Variants in SH3RF2 observed in about 807,000 individuals in gnomAD.
SH3RF2 encodes the protein SH3 domain containing ring finger 2.
Under a neutral mutation model 59.0 loss-of-function variants are expected in SH3RF2, and 43 were observed. The ratio of observed to expected loss-of-function variants is 0.73; its 90% confidence interval spans 0.57 to 0.94. The LOEUF (loss-of-function observed/expected upper bound fraction) is 0.94. SH3RF2 is among the 40% of genes least tolerant of loss of function. The probability of loss-of-function intolerance (pLI) is 0.00; values close to 1 mark genes in which losing one functional copy is unlikely to be tolerated. For missense variants in SH3RF2, 930 were observed against 940.1 expected (o/e 0.99, Z 0.14); for synonymous variants, 391 against 391.5 (o/e 1.00, Z 0.01).
chr5:146,077,802 T>A (rs75269885), intron 9 of SH3RF2, among the ~76,000 whole-genome samples: 2,513 of 152,302 alleles, frequency 0.017, 66 homozygotes, highest in African/African-American at 0.054. Flanking sequence ...TCCTTTAATG[T>A]GGAACAGTTC....
exon 10 of SH3RF2, chr5:146,080,616 T>A (rs1763408054): frequency 6.6e-6 from 1 of 152,228 alleles, no homozygotes; most frequent in African/African-American, 2.4e-5. Flanking sequence ...CTTATTTCCT[T>A]AGTATATTCC....
chr5:145,997,263 G>T, intron 2 of SH3RF2: 1 of 966,074 alleles, frequency 1.0e-6, no homozygotes. Flanking sequence ...ACATGCATCT[G>T]TAAATGTACA....
chr5:145,955,700 T>C (rs890823269), intron 2 of SH3RF2, among the ~76,000 whole-genome samples: 6 of 152,144 alleles, frequency 3.9e-5, no homozygotes, highest in Admixed American at 1.3e-4. Context: ...GCATTAAGGA[T>C]TGAGGTACCT....
intron 8 of SH3RF2, among the ~76,000 whole-genome samples, chr5:146,057,976 C>CTATATATATATATATA (rs1491563299): frequency 4.8e-4 from 57 of 118,112 alleles, no homozygotes; most frequent in African/African-American, 1.3e-3. Context: ...CTCTATCTAT[C>CTATATATATATATATA]TATCTATCTA....
intron 2 of SH3RF2, among the ~76,000 whole-genome samples, chr5:145,955,268 CT>C (rs1758349300): frequency 6.6e-6 from 1 of 152,140 alleles, no homozygotes; most frequent in Non-Finnish European, 1.5e-5. Context: ...ATAGATGCAG[CT>C]GGAGGCCATC....
chr5:146,077,752 A>T (rs1040757525), intron 9 of SH3RF2, among the ~76,000 whole-genome samples: 1 of 152,162 alleles, frequency 6.6e-6, no homozygotes, highest in African/African-American at 2.4e-5. Context: ...GACCCCTTTC[A>T]AGACCACATC....
At chr5:145,940,637 T>A (rs1292966732) in intron 2 of SH3RF2, among the ~76,000 whole-genome samples, 1 of 152,218 alleles carries the variant, frequency 6.6e-6, no homozygotes. Flanking sequence ...GTGAAAATTA[T>A]CTTTGCAACA....
At chr5:146,047,129 C>T (rs1302027300) in intron 5 of SH3RF2, among the ~76,000 whole-genome samples, 1 of 139,498 alleles carries the variant, frequency 7.2e-6, no homozygotes, top group Admixed American at 7.3e-5. Context: ...GATTCAAATT[C>T]AACTACTATA....
Position 146,004,144 on chromosome 5 carries a change from G to T in SH3RF2, c.735G>T (p.Leu245Phe). Residue 245 changes from leucine (L) to phenylalanine (F), a missense_variant, in exon 4 of 10, where the codon TTG becomes TTT. By Grantham distance (22) the Leu-to-Phe change is conservative (BLOSUM62 0). Transcript: ENST00000359120. ...ATAAAGTAGGCATCTTCCCTATCTTGTTTGTAGAGGTACGTGAGTATCAAG... is the reference window on the plus strand; with the variant it reads ...ATAAAGTAGGCATCTTCCCTATCTTTTTTGTAGAGGTACGTGAGTATCAAG... ...LGDKVGIFPI[L>F]FVEPNLTARH... 6.2e-7 allele frequency: 1 copy of T among 1,611,492 alleles called. No homozygotes were observed. Among genetic ancestry groups the T allele is most frequent in the Non-Finnish European group, 8.5e-7 (1 of 1,178,130 alleles).
chr5:146,079,291 TAA>T, exon 10 of SH3RF2: 1 of 152,156 alleles, frequency 6.6e-6, no homozygotes, highest in East Asian at 1.9e-4. Context: ...TCCTTGTTTT[TAA>T]AAAAAAGACT....
intron 2 of SH3RF2, among the ~76,000 whole-genome samples, chr5:145,993,143 AAAGCTTCC>A (rs1760018238): frequency 6.6e-6 from 1 of 152,186 alleles, no homozygotes; most frequent in African/African-American, 2.4e-5. Context: ...GTCAAATCTT[AAAGCTTCC>A]AAAATTATCT....
intron 5 of SH3RF2, among the ~76,000 whole-genome samples, chr5:146,014,464 C>T (rs1052841866): frequency 4.6e-5 from 7 of 152,150 alleles, no homozygotes; most frequent in Non-Finnish European, 8.8e-5. Context: ...ATATCCCATC[C>T]TCTGGCAATG....
chr5:145,993,954 A>C (rs536694620), intron 2 of SH3RF2, among the ~76,000 whole-genome samples: 1 of 152,210 alleles, frequency 6.6e-6, no homozygotes, highest in South Asian at 2.1e-4. Context: ...AAATTTTCCC[A>C]ACTTTTATGC....
intron 2 of SH3RF2, among the ~76,000 whole-genome samples, chr5:145,957,286 C>G (rs1159430469): frequency 1.3e-5 from 2 of 152,060 alleles, no homozygotes; most frequent in Non-Finnish European, 2.9e-5. Context: ...ACTACTTTGG[C>G]TCCTGTGCGG....
At chr5:146,034,923 T>C (rs1761877417) in intron 5 of SH3RF2, among the ~76,000 whole-genome samples, 1 of 152,130 alleles carries the variant, frequency 6.6e-6, no homozygotes, top group African/African-American at 2.4e-5. Context: ...CTGGCCAACA[T>C]GGTGAAACCC....
At chr5:145,993,822 C>A (rs942474870) in intron 2 of SH3RF2, among the ~76,000 whole-genome samples, 2 of 151,934 alleles carry the variant, frequency 1.3e-5, no homozygotes, top group African/African-American at 4.8e-5. Context: ...TTCCCACCAC[C>A]CCCCTGTCGT....
chr5:145,966,873 T>C (rs1758877258), intron 2 of SH3RF2, among the ~76,000 whole-genome samples: 1 of 152,072 alleles, frequency 6.6e-6, no homozygotes, highest in South Asian at 2.1e-4. Flanking sequence ...AATACAAAAA[T>C]TAGCTGGGCA....
chr5:145,967,098 G>T (rs1317930183), intron 2 of SH3RF2, among the ~76,000 whole-genome samples: 1 of 152,106 alleles, frequency 6.6e-6, no homozygotes, highest in Non-Finnish European at 1.5e-5. Context: ...AGAACTCTTT[G>T]GCTTTTATAA....
At chr5:146,011,586 A>C (rs894926028) in intron 4 of SH3RF2, among the ~76,000 whole-genome samples, 3 of 152,144 alleles carry the variant, frequency 2.0e-5, no homozygotes, top group African/African-American at 7.2e-5. Context: ...TCCTTGAAGA[A>C]GTCCCTCACA....
Sources: allele counts gnomAD v4.1 joint callset (sites outside exome capture counted in the v4.1 genomes callset), GRCh38; gene constraint gnomAD v4.1.1; transcripts MANE v1.5; gene names NCBI Gene and HGNC (gene_info 2026-07-23, HGNC 2026-07-21).